The following NCOA1 variants were observed in gnomAD, a reference collection of about 807,000 sequenced individuals.
NCOA1 encodes the protein nuclear receptor coactivator 1, also known as Hin-2 protein.
A neutral mutation model predicts 150.9 loss-of-function variants in NCOA1; 35 were observed. That is an observed-to-expected ratio of 0.23 (90% confidence interval 0.18 to 0.31). NCOA1 has a LOEUF of 0.31. Ranked by LOEUF, NCOA1 falls within the 10% of genes least tolerant of loss-of-function variation. The pLI is 1.00. For missense variants in NCOA1, 1,491 were observed against 1,749.3 expected (o/e 0.85, Z 2.63); for synonymous variants, 590 against 630.0 (o/e 0.94, Z 0.95).
At chr2:24,537,811 A>C (rs906978823) in intron 1 of NCOA1, among the ~76,000 whole-genome samples, 1 of 151,024 alleles carries the variant, frequency 6.6e-6, no homozygotes, top group African/African-American at 2.4e-5. Context: ...ATCTATCTAT[A>C]TATATCTCAT....
intron 6 of NCOA1, among the ~76,000 whole-genome samples, chr2:24,671,998 A>C (rs1671706996): frequency 6.6e-6 from 1 of 152,150 alleles, no homozygotes; most frequent in South Asian, 2.1e-4. Context: ...CACAGACACA[A>C]TTCATTTTCA....
At chr2:24,752,348 C>T (rs1192501726) in intron 20 of NCOA1, among the ~76,000 whole-genome samples, 192 bp downstream of exon 20, 2 of 152,178 alleles carry the variant, frequency 1.3e-5, no homozygotes, top group Non-Finnish European at 2.9e-5. Flanking sequence ...CAGAAAGCAG[C>T]ACATAAGAAC....
intron 20 of NCOA1, among the ~76,000 whole-genome samples, chr2:24,752,554 T>G (rs1343432178): frequency 6.6e-6 from 1 of 152,226 alleles, no homozygotes; most frequent in East Asian, 1.9e-4. Flanking sequence ...GTCCCCAACC[T>G]TTCCATCCTA....
At chr2:24,634,000 C>T (rs1159868300) in intron 3 of NCOA1, among the ~76,000 whole-genome samples, 1 of 152,102 alleles carries the variant, frequency 6.6e-6, no homozygotes, top group Non-Finnish European at 1.5e-5. Flanking sequence ...ATGAACAGAA[C>T]ACATGCACAC....
chr2:24,763,934 C>G (rs183868716), intron 22 of NCOA1, among the ~76,000 whole-genome samples: 2 of 152,154 alleles, frequency 1.3e-5, no homozygotes. Context: ...ACTTTAGTCT[C>G]TTAATGAACA....
intron 8 of NCOA1, 103 bp downstream of exon 8, chr2:24,683,231 T>G (rs930213632): frequency 6.1e-6 from 4 of 656,374 alleles, no homozygotes; most frequent in Non-Finnish European, 8.6e-6. Context: ...CACAGTATTA[T>G]ATATGTTATA....
chr2:24,736,997 A>C (rs1663343438), intron 17 of NCOA1, among the ~76,000 whole-genome samples: 1 of 152,104 alleles, frequency 6.6e-6, no homozygotes, highest in Admixed American at 6.5e-5. Flanking sequence ...GTGTGTGTTT[A>C]TTTTATACTT....
At chr2:24,725,545 C>T (rs992384249) in intron 14 of NCOA1, among the ~76,000 whole-genome samples, 3 of 152,136 alleles carry the variant, frequency 2.0e-5, no homozygotes, top group Non-Finnish European at 2.9e-5. Context: ...AATATAGTCA[C>T]ATTCTGAGAT....
At chr2:24,637,561 AATC>A (rs1215014983) in intron 3 of NCOA1, among the ~76,000 whole-genome samples, 1 of 152,030 alleles carries the variant, frequency 6.6e-6, no homozygotes, top group African/African-American at 2.4e-5. Context: ...TGAAATTGGA[AATC>A]ATCATTCTCA....
rs746717814 is a variant in NCOA1 at position 24,673,476 on chromosome 2, A to G, written c.354+13A>G. On this transcript the variant is annotated intron_variant, in intron 7 of 22. Coordinates refer to ENST00000348332, the MANE Select transcript of NCOA1 (RefSeq NM_003743.5). Reference sequence around the variant, plus strand: ...TCTTCTTTTGGAGGTAGGTGTCTTCATTGACTCAGAAAGTGATTAAAATCT... The same window carrying G: ...TCTTCTTTTGGAGGTAGGTGTCTTCGTTGACTCAGAAAGTGATTAAAATCT... 3 of 1,545,690 alleles carry G rather than the reference A, an allele frequency of 1.9e-6. No homozygotes were observed. The highest frequency in any genetic ancestry group is 1.3e-5 in the South Asian group (1 of 79,706).
At chr2:24,673,653 T>C (rs1671779358) in intron 7 of NCOA1, among the ~76,000 whole-genome samples, 190 bp downstream of exon 7, 1 of 152,226 alleles carries the variant, frequency 6.6e-6, no homozygotes, top group African/African-American at 2.4e-5. Context: ...ATAATGAACA[T>C]GAGAAATTTT....
Position 24,682,957 on chromosome 2 carries a change from G to A in NCOA1, c.361G>A (p.Asp121Asn). 6.3e-7 allele frequency: 1 copy of A among 1,588,474 alleles called. No individual in the cohort carries two copies. The highest frequency in any genetic ancestry group is 8.5e-7 in the Non-Finnish European group (1 of 1,172,498). Residue 121 changes from aspartate (D) to asparagine (N), a missense_variant, in exon 8 of 23, where the codon GAT becomes AAT. Physicochemically the swap from Asp to Asn is conservative, Grantham distance 23. This residue lies in a region of NCOA1 where 80 missense variants were observed against 163.0 expected (regional missense o/e 0.49). Transcript: ENST00000348332. The stretch of plus-strand genomic sequence containing the variant: ...TTTTCTTTTGGTTTTGCAGGCTTTG[G>A]ATGGATTTTTCTTTGTTGTGAACTG... Reference protein sequence around the residue: ...SLGPLLLEALDGFFFVVNCEG... With the variant: ...SLGPLLLEALNGFFFVVNCEG...
At chr2:24,591,672 T>C (rs1438077187) in intron 3 of NCOA1, among the ~76,000 whole-genome samples, 5 of 152,158 alleles carry the variant, frequency 3.3e-5, no homozygotes, top group Non-Finnish European at 1.5e-5. Context: ...TTCTCTGAAT[T>C]GATGCATCTA....
chr2:24,531,779 C>T (rs750523087), intron 1 of NCOA1, among the ~76,000 whole-genome samples: 1 of 152,168 alleles, frequency 6.6e-6, no homozygotes. Flanking sequence ...CTGCAAAGGA[C>T]GTGAACTCAT....
chr2:24,720,690 G>T (rs55664719), intron 14 of NCOA1, among the ~76,000 whole-genome samples: 1 of 151,900 alleles, frequency 6.6e-6, no homozygotes, highest in Non-Finnish European at 1.5e-5. Flanking sequence ...AAGGAAAAAA[G>T]AATTAAGGAT....
intron 22 of NCOA1, among the ~76,000 whole-genome samples, chr2:24,766,792 A>G (rs1471438767): frequency 6.6e-6 from 1 of 152,126 alleles, no homozygotes; most frequent in African/African-American, 2.4e-5. Context: ...ATGAGACGTT[A>G]CAGACCACAA....
At chr2:24,550,467 G>GAGCT (rs1665780332) in intron 1 of NCOA1, among the ~76,000 whole-genome samples, 1 of 152,214 alleles carries the variant, frequency 6.6e-6, no homozygotes, top group Admixed American at 6.5e-5. Context: ...GGTTGAGAGA[G>GAGCT]AGCTAGTGCT....
chr2:24,502,360 G>A (rs1223064650), intron 1 of NCOA1, among the ~76,000 whole-genome samples: 1 of 152,066 alleles, frequency 6.6e-6, no homozygotes, highest in Non-Finnish European at 1.5e-5. Context: ...TGACATTCTA[G>A]TTCAGGCTTA....
chr2:24,612,982 C>T (rs776176911), intron 3 of NCOA1, among the ~76,000 whole-genome samples: 9 of 152,128 alleles, frequency 5.9e-5, no homozygotes, highest in African/African-American at 7.2e-5. Flanking sequence ...AGAATTCTTG[C>T]ACTGGTTCCT....
Sources: gnomAD v4.1 joint callset for allele counts (sites outside exome capture counted in the v4.1 genomes callset) on GRCh38, gnomAD v4.1.1 for gene constraint, gnomAD v4.1.1 regional missense constraint, MANE v1.5 for transcripts, NCBI Gene and HGNC (gene_info 2026-07-23, HGNC 2026-07-21) for gene names.